TMEM71: variants seen among roughly 807,000 people sequenced by gnomAD.
The protein encoded by TMEM71 is transmembrane protein 71.
Under a neutral mutation model 38.0 loss-of-function variants are expected in TMEM71, and 44 were observed. That is an observed-to-expected ratio of 1.16 (90% confidence interval 0.91 to 1.49). The LOEUF (loss-of-function observed/expected upper bound fraction) is 1.49. Ranked by LOEUF, TMEM71 falls within the 40% of genes most tolerant of loss-of-function variation. The pLI is 0.00. For synonymous variants in TMEM71, 133 were observed against 122.5 expected, an observed-to-expected ratio of 1.09 and a Z score of -0.56; for missense variants, 367 against 348.6, an observed-to-expected ratio of 1.05 and a Z score of -0.42.
upstream of TMEM71, among the ~76,000 whole-genome samples, chr8:132,761,049 T>C (rs902206497): frequency 6.6e-6 from 1 of 152,352 alleles, no homozygotes; most frequent in Non-Finnish European, 1.5e-5. Context: ...AATAGGTTTA[T>C]CTAATGAAGG....
At chr8:132,728,019 T>A (rs1222383683) in intron 5 of TMEM71, 33 bp from the exon 6 acceptor site, 5 of 895,482 alleles carry the variant, frequency 5.6e-6, no homozygotes, top group East Asian at 8.4e-5. Context: ...TGTGAGTGTG[T>A]GTGTGTGTGT....
intron 3 of TMEM71, among the ~76,000 whole-genome samples, chr8:132,753,664 A>G (rs1236147896): frequency 6.6e-6 from 1 of 152,182 alleles, no homozygotes; most frequent in African/African-American, 2.4e-5. Context: ...TCTGAAGTCA[A>G]TCCCCCTCTA....
intron 1 of TMEM71, 185 bp downstream of exon 1, chr8:132,760,291 C>G (rs766161511): frequency 6.6e-6 from 1 of 152,190 alleles, no homozygotes; most frequent in Non-Finnish European, 1.5e-5. Flanking sequence ...TGTGTGCATA[C>G]GTGTTCCTTC....
intron 5 of TMEM71, 63 bp from the exon 6 acceptor site, chr8:132,728,049 T>TGTGTGTG: frequency 1.5e-5 from 16 of 1,061,888 alleles, no homozygotes; most frequent in African/African-American, 6.9e-5. Context: ...TGTGTGTGTG[T>TGTGTGTG]TCAGTGACTG....
chr8:132,764,288 T>TTTTG (rs112225891), upstream of TMEM71, among the ~76,000 whole-genome samples: 1 of 149,062 alleles, frequency 6.7e-6, no homozygotes, highest in East Asian at 2.0e-4. Context: ...AACTGGGAGG[T>TTTTG]TGTGTGTGTG....
chr8:132,716,621 C>T (rs1826550066), intron 7 of TMEM71, among the ~76,000 whole-genome samples: 1 of 152,108 alleles, frequency 6.6e-6, no homozygotes, highest in Non-Finnish European at 1.5e-5. Context: ...GCAAATACTA[C>T]ATCATCTTAT....
In TMEM71 at chr8:132,727,911, G is replaced by C. The variant is rs1379333412; in HGVS notation, c.563C>G (p.Ser188Cys). 3.7e-6 allele frequency: 6 copies of C among 1,614,142 alleles called. No individual in the cohort carries two copies. Among genetic ancestry groups the C allele is most frequent in the Non-Finnish European group, 5.1e-6 (6 of 1,180,012 alleles). ...CTGAGATATGATGTGGCTGGAAGAGGAGGTGATCACAGACTCTGCATTCAT... is the reference window on the plus strand; with the variant it reads ...CTGAGATATGATGTGGCTGGAAGAGCAGGTGATCACAGACTCTGCATTCAT... ...GKMNAESVIT[S>C]SSSHIISQPP... The change falls in exon 6 of 10, where the codon TCC becomes TGC. Residue 188 changes from serine (S) to cysteine (C), a missense_variant. Transcript: ENST00000677595.
At chr8:132,774,261 A>G in the TMEM71 span, among the ~76,000 whole-genome samples, 1 of 152,252 alleles carries the variant, frequency 6.6e-6, no homozygotes. Flanking sequence ...TCAAACATGG[A>G]AAGAGAGTTG....
At chr8:132,765,449 T>C (rs1829352500), upstream of TMEM71, among the ~76,000 whole-genome samples, 4 of 152,072 alleles carry the variant, frequency 2.6e-5, no homozygotes. Flanking sequence ...CTGTTTAGAG[T>C]ATACCCGGCA....
intron 7 of TMEM71, 68 bp downstream of exon 7, chr8:132,721,972 A>C (rs1262656516): frequency 6.7e-6 from 9 of 1,345,316 alleles, no homozygotes; most frequent in Non-Finnish European, 9.6e-6. Context: ...TAAGGCAAGG[A>C]AATCATCAAT....
chr8:132,724,433 G>A (rs747246166), intron 6 of TMEM71, among the ~76,000 whole-genome samples: 6 of 152,060 alleles, frequency 3.9e-5, no homozygotes, highest in Non-Finnish European at 7.4e-5. Context: ...AGAATTTAGC[G>A]ATGTCTCTCC....
Position 132,718,953 on chromosome 8 carries a change from T to G in TMEM71, c.752+3087A>C, listed in dbSNP as rs112741618. The stretch of plus-strand genomic sequence containing the variant: ...GGAAAAGAAAATATCATCAGAAAAA[T>G]CCCACCATATGGAAGAAGTTATTAA... On this transcript the variant is annotated intron_variant, in intron 7 of 9. Transcript: ENST00000677595. 2.9e-3 allele frequency among the ~76,000 whole-genome samples: 437 copies of G among 152,216 alleles called. 2 individuals are homozygous for G. Among genetic ancestry groups the G allele is most frequent in the African/African-American group, 9.8e-3 (408 of 41,540 alleles).
downstream of TMEM71, among the ~76,000 whole-genome samples, chr8:132,706,249 G>A (rs1221147874): frequency 6.6e-6 from 1 of 152,114 alleles, no homozygotes; most frequent in Non-Finnish European, 1.5e-5. Context: ...TATGACAGTG[G>A]GTGAGTGGAA....
chr8:132,740,864 C>G (rs1827996898), intron 5 of TMEM71, among the ~76,000 whole-genome samples: 1 of 152,178 alleles, frequency 6.6e-6, no homozygotes, highest in Non-Finnish European at 1.5e-5. Flanking sequence ...GTATTTTATT[C>G]TGCACTGAGC....
intron 5 of TMEM71, among the ~76,000 whole-genome samples, chr8:132,732,633 T>C (rs1232186260): frequency 1.3e-5 from 2 of 152,086 alleles, no homozygotes; most frequent in East Asian, 1.9e-4. Context: ...CACTCAGCAG[T>C]GAGAGATTTG....
At chr8:132,759,754 G>A (rs1376283162) in intron 1 of TMEM71, among the ~76,000 whole-genome samples, 5 of 152,136 alleles carry the variant, frequency 3.3e-5, no homozygotes, top group African/African-American at 1.2e-4. Context: ...TTTTGTAGCT[G>A]TAATTCAATC....
At chr8:132,774,441 G>A in the TMEM71 span, among the ~76,000 whole-genome samples, 7 of 152,216 alleles carry the variant, frequency 4.6e-5, no homozygotes, top group African/African-American at 1.7e-4. Flanking sequence ...GATGCTGAAT[G>A]AATGTTTGTT....
intron 5 of TMEM71, among the ~76,000 whole-genome samples, chr8:132,731,464 G>C (rs918513157): frequency 6.6e-6 from 1 of 152,152 alleles, no homozygotes; most frequent in Admixed American, 6.5e-5. Flanking sequence ...ACCATGAAGG[G>C]ACTCCTAAAC....
At chr8:132,770,049 C>T in the TMEM71 span, among the ~76,000 whole-genome samples, 1 of 152,098 alleles carries the variant, frequency 6.6e-6, no homozygotes, top group Non-Finnish European at 1.5e-5. Context: ...TGTTGCTCAC[C>T]CTCTCCTGCT....
Sources: gnomAD v4.1 joint callset for allele counts (sites outside exome capture counted in the v4.1 genomes callset) on GRCh38, gnomAD v4.1.1 for gene constraint, MANE v1.5 for transcripts, NCBI Gene and HGNC (gene_info 2026-07-23, HGNC 2026-07-21) for gene names.